Variants in ARL15 observed in about 807,000 individuals in gnomAD.
The protein encoded by ARL15 is ARF like GTPase 15.
Under a neutral mutation model 25.2 loss-of-function variants are expected in ARL15, and 19 were observed. That is an observed-to-expected ratio of 0.75 (90% CI 0.53 to 1.10). ARL15 has a LOEUF of 1.10. Ranked by LOEUF, ARL15 falls within the 50% of genes least tolerant of loss-of-function variation. The probability of loss-of-function intolerance (pLI) is 0.00; values close to 1 mark genes in which losing one functional copy is unlikely to be tolerated. For synonymous variants in ARL15, 94 were observed against 86.8 expected, an observed-to-expected ratio of 1.08 and a Z score of -0.46; for missense variants, 220 against 246.0, an observed-to-expected ratio of 0.89 and a Z score of 0.71.
At chr5:54,079,808 A>G (rs889150832) in intron 4 of ARL15, among the ~76,000 whole-genome samples, 17 of 152,054 alleles carry the variant, frequency 1.1e-4, no homozygotes, top group African/African-American at 3.9e-4. Flanking sequence ...CATCTCTACT[A>G]AAAATACAAA....
intron 3 of ARL15, among the ~76,000 whole-genome samples, chr5:54,151,292 C>T (rs1330450924): frequency 6.6e-6 from 1 of 152,140 alleles, no homozygotes; most frequent in African/African-American, 2.4e-5. Context: ...CCCACCAAAC[C>T]ACTGGGCTAG....
chr5:54,141,704 TG>T (rs759068077), intron 3 of ARL15, among the ~76,000 whole-genome samples: 12 of 152,150 alleles, frequency 7.9e-5, no homozygotes, highest in Non-Finnish European at 5.9e-5. Context: ...TTTCACTTAT[TG>T]CCATATTTTC....
intron 4 of ARL15, among the ~76,000 whole-genome samples, chr5:54,054,403 CAAAT>C (rs150905266): frequency 0.016 from 2,439 of 152,200 alleles, 80 homozygotes; most frequent in African/African-American, 0.056. Context: ...GCAAATGTCC[CAAAT>C]AAATAAACAG....
At chr5:54,300,551 T>G (rs1228635495) in intron 1 of ARL15, among the ~76,000 whole-genome samples, 2 of 152,244 alleles carry the variant, frequency 1.3e-5, no homozygotes. Context: ...ATTGTTATTG[T>G]GTTAAACTAT....
chr5:54,298,417 T>G (rs1042231030), intron 1 of ARL15, among the ~76,000 whole-genome samples: 2 of 152,196 alleles, frequency 1.3e-5, no homozygotes, highest in Admixed American at 6.5e-5. Flanking sequence ...TCACTGCAGC[T>G]TCTTCTATCC....
intron 2 of ARL15, among the ~76,000 whole-genome samples, chr5:54,162,275 T>C (rs1754427937): frequency 6.6e-6 from 1 of 152,076 alleles, no homozygotes; most frequent in Non-Finnish European, 1.5e-5. Flanking sequence ...ACCAAGCATC[T>C]ACCCCTTTTC....
chr5:54,011,423 G>T (rs553715786), intron 4 of ARL15, among the ~76,000 whole-genome samples: 185 of 152,078 alleles, frequency 1.2e-3, no homozygotes, highest in Middle Eastern at 6.8e-3. Flanking sequence ...TTGGTTTTTT[G>T]TTGTTGTTGT....
chr5:54,184,261 CAAAAAAAA>C (rs201681698), intron 1 of ARL15, among the ~76,000 whole-genome samples: 7 of 117,042 alleles, frequency 6.0e-5, no homozygotes, highest in African/African-American at 2.0e-4. Context: ...AAAAAAAAAT[CAAAAAAAA>C]AAAAAAAAAA....
chr5:54,306,311 A>G (rs1758752436), intron 1 of ARL15, among the ~76,000 whole-genome samples: 1 of 152,068 alleles, frequency 6.6e-6, no homozygotes, highest in African/African-American at 2.4e-5. Context: ...TTTAAAAGGT[A>G]TTTCAATACC....
intron 1 of ARL15, among the ~76,000 whole-genome samples, chr5:54,192,031 C>G (rs1755417074): frequency 1.3e-5 from 2 of 152,168 alleles, no homozygotes; most frequent in Non-Finnish European, 2.9e-5. Context: ...CAGTCAGTTA[C>G]TCCAAGCAAC....
At chr5:54,174,918 C>T (rs915385953) in intron 1 of ARL15, among the ~76,000 whole-genome samples, 11 of 152,160 alleles carry the variant, frequency 7.2e-5, no homozygotes, top group African/African-American at 2.2e-4. Flanking sequence ...TACTGGGCTG[C>T]GTTGGTCTTG....
At chr5:54,252,936 G>A (rs1319080062) in intron 1 of ARL15, among the ~76,000 whole-genome samples, 1 of 151,954 alleles carries the variant, frequency 6.6e-6, no homozygotes, top group East Asian at 1.9e-4. Flanking sequence ...TGTTGCCCAG[G>A]CTGGTCACAA....
At chr5:54,073,558 C>T (rs1366379125) in intron 4 of ARL15, among the ~76,000 whole-genome samples, 4 of 151,718 alleles carry the variant, frequency 2.6e-5, no homozygotes, top group African/African-American at 9.7e-5. Context: ...GGCTGGCTTA[C>T]ATGGAGTAGT....
intron 4 of ARL15, among the ~76,000 whole-genome samples, chr5:53,993,298 C>T (rs1748566760): frequency 1.3e-5 from 2 of 152,098 alleles, no homozygotes; most frequent in South Asian, 4.1e-4. Context: ...TGAGGATAAA[C>T]CACTGATTGA....
At chr5:54,309,948 A>T (rs2112731948) in intron 1 of ARL15, among the ~76,000 whole-genome samples, 1 of 152,322 alleles carries the variant, frequency 6.6e-6, no homozygotes, top group Middle Eastern at 3.4e-3. Context: ...CCCCGCCACG[A>T]CCGAGGTCAT....
At chr5:54,171,415 G>A (rs1313481784) in intron 2 of ARL15, among the ~76,000 whole-genome samples, 2 of 152,108 alleles carry the variant, frequency 1.3e-5, no homozygotes, top group Admixed American at 6.5e-5. Context: ...TACTATTCAG[G>A]GAGTGTGTGG....
chr5:53,890,674 C>T (rs1300208712), intron 4 of ARL15, among the ~76,000 whole-genome samples: 1 of 152,180 alleles, frequency 6.6e-6, no homozygotes, highest in Non-Finnish European at 1.5e-5. Context: ...AACAAAGCCA[C>T]CACCAGCAGC....
intron 4 of ARL15, among the ~76,000 whole-genome samples, chr5:54,057,774 G>A (rs1750924696): frequency 6.6e-6 from 1 of 152,072 alleles, no homozygotes; most frequent in African/African-American, 2.4e-5. Flanking sequence ...GCCTGAGTCT[G>A]GGAGGTTGAG....
intron 4 of ARL15, among the ~76,000 whole-genome samples, chr5:54,057,171 C>A (rs6871337): frequency 0.14 from 20,940 of 151,938 alleles, 2,380 homozygotes; most frequent in African/African-American, 0.31. Context: ...TCAGTGGGTA[C>A]AATAATGTAG....
Sources: allele counts gnomAD v4.1 joint callset (sites outside exome capture counted in the v4.1 genomes callset), GRCh38; gene constraint gnomAD v4.1.1; transcripts MANE v1.5; gene names NCBI Gene and HGNC (gene_info 2026-07-23, HGNC 2026-07-21).